Variants in SLC14A2 observed in about 807,000 individuals in gnomAD.
The protein encoded by SLC14A2 is urea transporter 2.
A neutral mutation model predicts 104.6 loss-of-function variants in SLC14A2; 91 were observed. The observed-to-expected ratio is 0.87, with a 90% CI of 0.73 to 1.04. The LOEUF is 1.04. Ranked by LOEUF, SLC14A2 falls within the 50% of genes least tolerant of loss-of-function variation. The pLI is 0.00. For missense variants in SLC14A2, 1,189 were observed against 1,156.0 expected (o/e 1.03, Z -0.41); for synonymous variants, 476 against 466.4 (o/e 1.02, Z -0.27).
At chr18:45,430,935 G>T (rs2086505067) in intron 1 of SLC14A2, among the ~76,000 whole-genome samples, 1 of 152,186 alleles carries the variant, frequency 6.6e-6, no homozygotes, top group Admixed American at 6.5e-5. Flanking sequence ...CCCAATGTGA[G>T]TTCTAGTTTA....
At chr18:45,628,350 A>G (rs890261700) in intron 4 of SLC14A2, among the ~76,000 whole-genome samples, 3 of 151,388 alleles carry the variant, frequency 2.0e-5, no homozygotes, top group South Asian at 2.1e-4. Flanking sequence ...AGGCTGAGGC[A>G]GGAGAATTGC....
At chr18:45,561,787 T>C (rs577801853) in intron 2 of SLC14A2, among the ~76,000 whole-genome samples, 23 of 152,322 alleles carry the variant, frequency 1.5e-4, no homozygotes, top group South Asian at 4.1e-4. Context: ...TAAAACACTA[T>C]ATAGTATTTG....
chr18:45,333,009 C>T (rs2085304561), intron 1 of SLC14A2, among the ~76,000 whole-genome samples: 1 of 152,176 alleles, frequency 6.6e-6, no homozygotes, highest in Non-Finnish European at 1.5e-5. Flanking sequence ...GGTAAATGGG[C>T]TGAAATCTCC....
intron 10 of SLC14A2, among the ~76,000 whole-genome samples, chr18:45,658,602 GAC>G (rs1300659363): frequency 6.6e-6 from 1 of 151,598 alleles, no homozygotes; most frequent in African/African-American, 2.4e-5. Context: ...ACCTGAGAAA[GAC>G]AACTCACAGA....
chr18:45,513,530 G>C (rs1024412053), intron 2 of SLC14A2, among the ~76,000 whole-genome samples: 1 of 152,162 alleles, frequency 6.6e-6, no homozygotes, highest in African/African-American at 2.4e-5. Context: ...TTCTAAATTA[G>C]TTGAGGCCAA....
Position 45,241,214 on chromosome 18 carries a change from G to A in SLC14A2, c.-125+28023G>A, listed in dbSNP as rs996272470. 5.9e-5 allele frequency among the ~76,000 whole-genome samples: 9 copies of A among 152,340 alleles called. No homozygotes were observed. In the East Asian group the frequency reaches 1.3e-3, roughly 23 times the overall value. On this transcript the variant is annotated intron_variant, in intron 1 of 20. Transcript: ENST00000586448. ...TGCAATGGGGTGGTCCTCGGCCACT[G>A]AGTAAAAGGCTAGGAACTTTATTTG... is the stretch of plus-strand genomic sequence containing the variant.
rs765952460 is a variant in SLC14A2 at position 45,667,817 on chromosome 18, C to T, written c.1718-16C>T. On this transcript the variant is annotated splice_polypyrimidine_tract_variant and intron_variant, in intron 13 of 19. Coordinates refer to ENST00000255226, the MANE Select transcript of SLC14A2 (RefSeq NM_007163.4). ...CACTGAGCACTTGCCTACTTCCTGC[C>T]CCGGTTCCATTTCAGACAAGTCCCC... 1.2e-6 allele frequency: 2 copies of T among 1,611,868 alleles called. No individual in the cohort carries two copies. The highest frequency in any genetic ancestry group is 1.7e-6 in the Non-Finnish European group (2 of 1,178,006).
intron 1 of SLC14A2, among the ~76,000 whole-genome samples, chr18:45,462,326 C>T (rs577617749): frequency 3.9e-5 from 6 of 152,260 alleles, no homozygotes; most frequent in Admixed American, 3.3e-4. Context: ...AGCCAACTTG[C>T]GGGAACCAAG....
intron 1 of SLC14A2, among the ~76,000 whole-genome samples, chr18:45,473,872 T>C (rs982491729): frequency 2.6e-5 from 4 of 152,052 alleles, no homozygotes; most frequent in Admixed American, 2.6e-4. Flanking sequence ...TCCTTTATTT[T>C]TTCTCTTGCC....
chr18:45,514,186 C>T lies in SLC14A2; in HGVS notation c.-35+30864C>T, dbSNP rs530221321. Among the ~76,000 whole-genome samples, 209 of 152,300 alleles carry T rather than the reference C, an allele frequency of 1.4e-3. 5 individuals are homozygous for T. In the South Asian group the frequency reaches 0.018, roughly 13 times the overall value. ...TTACAAGGAAAAGAGGTTTAATCAG[C>T]TCATGGTTCTGCAGGCCGTACAGGC... On this transcript the variant is annotated intron_variant, in intron 2 of 20. Transcript: ENST00000586448.
At chr18:45,467,791 C>A (rs1413407823) in intron 1 of SLC14A2, among the ~76,000 whole-genome samples, 1 of 152,146 alleles carries the variant, frequency 6.6e-6, no homozygotes, top group Admixed American at 6.5e-5. Context: ...CACCCTCTCC[C>A]ACAGACAAAT....
chr18:45,246,684 T>A (rs1364104853), intron 1 of SLC14A2, among the ~76,000 whole-genome samples: 3 of 152,018 alleles, frequency 2.0e-5, no homozygotes, highest in Non-Finnish European at 4.4e-5. Context: ...ACAATTCTCT[T>A]GCCTCAGCCT....
intron 2 of SLC14A2, among the ~76,000 whole-genome samples, chr18:45,531,430 T>G (rs567349951): frequency 1.3e-5 from 2 of 152,376 alleles, no homozygotes; most frequent in East Asian, 3.9e-4. Flanking sequence ...TGGTTTTGAT[T>G]TGCATTTCTC....
intron 1 of SLC14A2, among the ~76,000 whole-genome samples, chr18:45,330,864 A>G (rs1481517582): frequency 6.6e-6 from 1 of 152,240 alleles, no homozygotes; most frequent in Non-Finnish European, 1.5e-5. Flanking sequence ...TTCCTGAGCT[A>G]AAAGTTTGGG....
intron 1 of SLC14A2, among the ~76,000 whole-genome samples, chr18:45,437,918 G>A (rs1252421563): frequency 6.6e-6 from 1 of 152,184 alleles, no homozygotes; most frequent in African/African-American, 2.4e-5. Context: ...ATACCCTGCT[G>A]TCTTCCAAAG....
intron 1 of SLC14A2, chr18:45,483,032 T>C (rs2087526945): frequency 6.6e-6 from 1 of 152,256 alleles, no homozygotes; most frequent in African/African-American, 2.4e-5. Context: ...ACTCTTTAAG[T>C]GTTCCTGGGT....
At chr18:45,231,376 A>G (rs745729911) in intron 1 of SLC14A2, among the ~76,000 whole-genome samples, 3 of 151,382 alleles carry the variant, frequency 2.0e-5, no homozygotes, top group Non-Finnish European at 2.9e-5. Flanking sequence ...CTAATTTTTT[A>G]TTTTTTTGTA....
intron 2 of SLC14A2, among the ~76,000 whole-genome samples, chr18:45,487,485 T>C (rs2087630025): frequency 6.6e-6 from 1 of 152,154 alleles, no homozygotes; most frequent in Admixed American, 6.5e-5. Context: ...TGAGTAGAGA[T>C]GGGCATTATT....
chr18:45,283,898 G>A (rs2084788066), intron 1 of SLC14A2, among the ~76,000 whole-genome samples: 1 of 152,148 alleles, frequency 6.6e-6, no homozygotes, highest in South Asian at 2.1e-4. Flanking sequence ...ACAGAGAAAT[G>A]TCTAAATTGA....
Sources: gnomAD v4.1 joint callset for allele counts (sites outside exome capture counted in the v4.1 genomes callset) on GRCh38, gnomAD v4.1.1 for gene constraint, MANE v1.5 for transcripts, NCBI Gene and HGNC (gene_info 2026-07-23, HGNC 2026-07-21) for gene names.